TRAF5: variants seen among roughly 807,000 people sequenced by gnomAD.
The protein encoded by TRAF5 is TNF receptor-associated factor 5.
A neutral mutation model predicts 64.5 loss-of-function variants in TRAF5; 48 were observed. That is an observed-to-expected ratio of 0.74 (90% confidence interval 0.59 to 0.95). TRAF5 has a LOEUF of 0.95. Among genes scored for constraint, TRAF5 ranks in the 40% least tolerant of loss-of-function variants. The pLI is 0.00. For missense variants in TRAF5, 545 were observed against 662.8 expected, an observed-to-expected ratio of 0.82 and a Z score of 1.95; for synonymous variants, 206 against 240.5, an observed-to-expected ratio of 0.86 and a Z score of 1.33.
chr1:211,365,354 T>C, intron 7 of TRAF5, 22 bp from the exon 8 acceptor site: 1 of 1,605,838 alleles, frequency 6.2e-7, no homozygotes. Context: ...CAACCTGACT[T>C]ATTTTTCTCT....
intron 1 of TRAF5, among the ~76,000 whole-genome samples, chr1:211,338,453 T>C (rs1057164404): frequency 1.3e-5 from 2 of 152,154 alleles, no homozygotes; most frequent in East Asian, 3.8e-4. Context: ...ACTCCCATAA[T>C]ACAATAGGGC....
chr1:211,354,641 G>A (rs918940405), intron 3 of TRAF5, among the ~76,000 whole-genome samples, 174 bp downstream of exon 3: 2 of 152,092 alleles, frequency 1.3e-5, no homozygotes, highest in Non-Finnish European at 2.9e-5. Flanking sequence ...TGAGAGGCTT[G>A]TTTGGGTCTT....
chr1:211,345,319 G>A (rs1388317647), intron 1 of TRAF5, among the ~76,000 whole-genome samples: 3 of 152,054 alleles, frequency 2.0e-5, no homozygotes, highest in East Asian at 1.9e-4. Flanking sequence ...GCCTCTCAAA[G>A]TGTTGGGATT....
At chr1:211,348,370 A>G (rs1422734635) in intron 1 of TRAF5, among the ~76,000 whole-genome samples, 1 of 152,224 alleles carries the variant, frequency 6.6e-6, no homozygotes, top group Non-Finnish European at 1.5e-5. Context: ...ACTCTCAAGT[A>G]TGGTAAATAT....
chr1:211,345,315 C>T (rs1352158600), intron 1 of TRAF5, among the ~76,000 whole-genome samples: 1 of 152,092 alleles, frequency 6.6e-6, no homozygotes, highest in Non-Finnish European at 1.5e-5. Context: ...CTCGGCCTCT[C>T]AAAGTGTTGG....
chr1:211,353,734 G>A, intron 2 of TRAF5: 1 of 459,108 alleles, frequency 2.2e-6, no homozygotes, highest in Non-Finnish European at 4.0e-6. Flanking sequence ...ATGGGAGCTG[G>A]CTGTGGAGAA....
At chr1:211,363,605 TA>T (rs899879345) in intron 7 of TRAF5, among the ~76,000 whole-genome samples, 3 of 151,566 alleles carry the variant, frequency 2.0e-5, no homozygotes, top group African/African-American at 7.3e-5. Context: ...GAGAAGGATT[TA>T]AAAAAAAATC....
At chr1:211,340,626 C>T (rs553567488) in intron 1 of TRAF5, among the ~76,000 whole-genome samples, 3 of 152,190 alleles carry the variant, frequency 2.0e-5, no homozygotes, top group South Asian at 2.1e-4. Flanking sequence ...ATAATGTCTT[C>T]GGGAATATGT....
intron 7 of TRAF5, among the ~76,000 whole-genome samples, chr1:211,364,709 A>AAAC (rs909718556): frequency 2.0e-5 from 3 of 150,118 alleles, no homozygotes; most frequent in African/African-American, 7.6e-5. Flanking sequence ...ACAAACAAAC[A>AAAC]AAACTGATTT....
At chr1:211,349,172 C>T (rs2102736159) in intron 1 of TRAF5, among the ~76,000 whole-genome samples, 1 of 152,218 alleles carries the variant, frequency 6.6e-6, no homozygotes, top group African/African-American at 2.4e-5. Context: ...TACACCACTG[C>T]ACTCCAGCCT....
intron 1 of TRAF5, among the ~76,000 whole-genome samples, chr1:211,332,883 T>G (rs1010131197): frequency 6.6e-6 from 1 of 152,260 alleles, no homozygotes; most frequent in Non-Finnish European, 1.5e-5. Context: ...GTCAGTACTT[T>G]GGGATGTTGC....
chr1:211,359,646 C>T lies in TRAF5; in HGVS notation c.379-266C>T, dbSNP rs1423289992. ...TCTAAAACAAACTTGGTGTACTTCC[C>T]TCTTCACCTATCTTCCCCTGTCCTC... On this transcript the variant is annotated intron_variant, in intron 4 of 10. Transcript: ENST00000261464. The T allele has an allele frequency of 1.8e-5, 7 of 384,958 alleles. No homozygotes were observed. The East Asian group carries it at 2.9e-4, about 16-fold the overall frequency. 23.8% of individuals were successfully genotyped at this position (384,958 alleles called of 1,614,324 possible). A position where few individuals can be genotyped will look rare whatever the true frequency, so the allele number is the denominator to read the frequency against.
chr1:211,367,874 A>C (rs1703405092), intron 8 of TRAF5, among the ~76,000 whole-genome samples: 1 of 152,222 alleles, frequency 6.6e-6, no homozygotes, highest in Non-Finnish European at 1.5e-5. Flanking sequence ...CCTAGGCTCT[A>C]AGGATAAAGA....
upstream of TRAF5, chr1:211,326,773 C>T (rs1702023348): frequency 1.0e-6 from 1 of 984,800 alleles, no homozygotes; most frequent in Non-Finnish European, 1.2e-6. This position sits in a 1 kb window ranked among gnomAD's most constrained non-coding sequence, Gnocchi z 5.0. Context: ...GCCCCTCCGC[C>T]CGCGCCCCGG....
intron 8 of TRAF5, 146 bp downstream of exon 8, chr1:211,365,614 C>T (rs1299365829): frequency 9.7e-6 from 6 of 619,178 alleles, no homozygotes; most frequent in African/African-American, 1.9e-5. Flanking sequence ...CAAACAGGCT[C>T]ATAGGATTAT....
At chr1:211,354,279 G>A in intron 2 of TRAF5, 131 bp from the exon 3 acceptor site, 2 of 735,870 alleles carry the variant, frequency 2.7e-6, no homozygotes, top group South Asian at 3.6e-5. Context: ...CTTCTGGGTA[G>A]AGGGAACAGC....
intron 1 of TRAF5, among the ~76,000 whole-genome samples, chr1:211,336,201 G>C (rs1463453980): frequency 6.6e-6 from 1 of 152,178 alleles, no homozygotes; most frequent in Non-Finnish European, 1.5e-5. Context: ...ACAATGCCTG[G>C]CACCTAAATG....
At chr1:211,350,375 T>C (rs143593826) in intron 1 of TRAF5, among the ~76,000 whole-genome samples, 238 of 138,342 alleles carry the variant, frequency 1.7e-3, no homozygotes, top group South Asian at 3.9e-3. Flanking sequence ...TGGCATAGAG[T>C]GTGGTGTATT....
At chr1:211,340,649 G>T (rs1200260079) in intron 1 of TRAF5, among the ~76,000 whole-genome samples, 1 of 152,170 alleles carries the variant, frequency 6.6e-6, no homozygotes, top group Non-Finnish European at 1.5e-5. Context: ...AGACTTTCTG[G>T]CTCCTTGCTT....
Sources: gnomAD v4.1 joint callset for allele counts (sites outside exome capture counted in the v4.1 genomes callset) on GRCh38, gnomAD v4.1.1 for gene constraint, Gnocchi (gnomAD v3.1) non-coding constraint, MANE v1.5 for transcripts, NCBI Gene and HGNC (gene_info 2026-07-23, HGNC 2026-07-21) for gene names.